Variants in DNAH7 observed in about 807,000 individuals in gnomAD.
DNAH7 encodes the protein dynein axonemal heavy chain 7.
In DNAH7, 397 loss-of-function variants were observed where a neutral mutation model predicts 444.6. The ratio of observed to expected loss-of-function variants is 0.89; its 90% CI spans 0.82 to 0.97. The LOEUF is 0.97. DNAH7 is among the 50% of genes least tolerant of loss of function. The pLI is 0.00. For missense variants in DNAH7, 4,902 were observed against 4,800.8 expected (o/e 1.02, Z -0.62); for synonymous variants, 1,636 against 1,624.4 (o/e 1.01, Z -0.17).
chr2:195,873,425 G>A (rs1008805658), intron 39 of DNAH7, 143 bp downstream of exon 39: 2 of 481,032 alleles, frequency 4.2e-6, no homozygotes, highest in Non-Finnish European at 6.7e-6. Context: ...GAGGTGGCAG[G>A]AACAGAGGCA....
rs1199211196 is a variant in DNAH7, at chr2:195,972,226, T to C, written c.2058+16A>G. The C allele has an allele frequency of 1.9e-6, 3 of 1,581,968 alleles. No homozygotes were observed. The highest frequency in any genetic ancestry group is 2.6e-6 in the Non-Finnish European group (3 of 1,159,240). ...ACATTTCCAGAAAATGAAAATAAAA[T>C]ATCTAAGATGCCAACCTTCAGACCT... On this transcript the variant is annotated intron_variant, in intron 16 of 64. Coordinates refer to ENST00000312428, the MANE Select transcript of DNAH7 (RefSeq NM_018897.3).
In DNAH7 at chr2:195,922,130, G is replaced by A; in HGVS notation, c.3893C>T (p.Ser1298Phe). The A allele has an allele frequency of 6.2e-7, 1 of 1,612,942 alleles. No individual in the cohort carries two copies. Among genetic ancestry groups the A allele is most frequent in the Non-Finnish European group, 8.5e-7 (1 of 1,179,010 alleles). The change falls in exon 24 of 65, where the codon TCC becomes TTC. Residue 1298 changes from serine to phenylalanine, a missense_variant. Coordinates refer to ENST00000312428, the MANE Select transcript of DNAH7 (RefSeq NM_018897.3). ...GAGTGGTGTAATAACCAGCCTAGGG[G>A]AATTACCCAGATATTCATATCCATA... ...LRYGYEYLGN[S>F]PRLVITPLTD...
rs1489757605 is a variant in DNAH7 at position 196,058,118 on chromosome 2, T to C, written c.16-2A>G. The C allele has an allele frequency of 1.3e-6, 2 of 1,577,274 alleles. No individual in the cohort carries two copies. Among genetic ancestry groups the C allele is most frequent in the South Asian group, 2.4e-5 (2 of 84,166 alleles). ...TTTTTCTTTGCTGGCCGATTTATCC[T>C]GTATGAAAAACATGAAAAAACAAAA... On this transcript the variant is annotated splice_acceptor_variant, in intron 1 of 64. Transcript: ENST00000312428. LOFTEE classifies it high-confidence loss of function.
At chr2:195,777,514 G>A (rs990840002) in intron 59 of DNAH7, among the ~76,000 whole-genome samples, 3 of 151,842 alleles carry the variant, frequency 2.0e-5, no homozygotes, top group African/African-American at 7.3e-5. Context: ...ATTTTAATTG[G>A]GGACAATGTC....
Position 195,853,325 on chromosome 2 carries a change from T to C in DNAH7, c.8781+18A>G. On this transcript the variant is annotated intron_variant, in intron 46 of 64. Transcript: ENST00000312428. The stretch of plus-strand genomic sequence containing the variant: ...TGATGGGCAGAGGGTCAGGAAGAGA[T>C]GGAATAGTGTCCCTTACCTGTCTAT... 1 of 1,604,606 alleles carries C rather than the reference T, an allele frequency of 6.2e-7. No homozygotes were observed. Among genetic ancestry groups the C allele is most frequent in the East Asian group, 2.2e-5 (1 of 44,588 alleles).
At chr2:195,970,310 A>G (rs1026677579) in intron 16 of DNAH7, among the ~76,000 whole-genome samples, 1 of 152,202 alleles carries the variant, frequency 6.6e-6, no homozygotes, top group African/African-American at 2.4e-5. Flanking sequence ...GATTAGAAAA[A>G]GTCAACTCTG....
intron 28 of DNAH7, among the ~76,000 whole-genome samples, chr2:195,898,448 C>T (rs1178729352): frequency 6.6e-6 from 1 of 152,174 alleles, no homozygotes; most frequent in Admixed American, 6.5e-5. Context: ...TTTAGCATTT[C>T]ATCGTTATTG....
intron 24 of DNAH7, among the ~76,000 whole-genome samples, chr2:195,920,865 G>A (rs575655895): frequency 9.9e-5 from 15 of 151,902 alleles, no homozygotes; most frequent in Non-Finnish European, 2.2e-4. Context: ...ACTCAAATCT[G>A]CAAGAAAAAA....
intron 41 of DNAH7, among the ~76,000 whole-genome samples, chr2:195,862,172 T>C (rs912705233): frequency 3.9e-5 from 6 of 152,182 alleles, no homozygotes; most frequent in African/African-American, 1.4e-4. Context: ...TGGTTTGTTC[T>C]GAGATTAGAG....
intron 54 of DNAH7, among the ~76,000 whole-genome samples, chr2:195,805,734 C>G (rs1366437427): frequency 1.3e-5 from 2 of 152,026 alleles, no homozygotes; most frequent in African/African-American, 2.4e-5. Context: ...TTTCATAGAC[C>G]CCTGGAAGTA....
At chr2:195,750,682 C>G (rs1290823773) in intron 63 of DNAH7, among the ~76,000 whole-genome samples, 2 of 152,146 alleles carry the variant, frequency 1.3e-5, no homozygotes, top group African/African-American at 4.8e-5. Context: ...TTACTTAACC[C>G]CCCTGAGCCT....
At chr2:195,884,481 G>T (rs1002303881) in intron 35 of DNAH7, 104 bp downstream of exon 35, 1 of 808,424 alleles carries the variant, frequency 1.2e-6, no homozygotes, top group Non-Finnish European at 2.0e-6. Flanking sequence ...GTCTCTTATG[G>T]TAAATAGTGA....
intron 23 of DNAH7, among the ~76,000 whole-genome samples, chr2:195,923,323 T>A (rs1343247243): frequency 6.6e-6 from 1 of 152,244 alleles, no homozygotes; most frequent in Non-Finnish European, 1.5e-5. Context: ...TAATTTTTGA[T>A]AATTACTCAT....
At chr2:195,965,420 A>G (rs893105950) in intron 17 of DNAH7, among the ~76,000 whole-genome samples, 1 of 152,120 alleles carries the variant, frequency 6.6e-6, no homozygotes, top group Non-Finnish European at 1.5e-5. Context: ...ATATTGGCCT[A>G]AAGTTTTCTT....
chr2:195,906,739 T>G lies in DNAH7; in HGVS notation c.4255A>C (p.Lys1419Gln). The change falls in exon 27 of 65, where the codon AAA (lysine) becomes CAA (glutamine). Residue 1419 changes from lysine (K) to glutamine (Q), a missense_variant. By Grantham distance (53) the Lys-to-Gln change is moderately conservative (BLOSUM62 1). Transcript: ENST00000312428. ...AAGACAGCACATGTGGGGTCAAGTT[T>G]TAGTTCAGTTCCTTCAAACATCAGT... ...DILMFEGTEL[K>Q]LDPTCAVFIT... The G allele has an allele frequency of 6.2e-7, 1 of 1,613,550 alleles. No individual in the cohort carries two copies. Among genetic ancestry groups the G allele is most frequent in the Non-Finnish European group, 8.5e-7 (1 of 1,179,624 alleles).
chr2:195,940,636 A>G (rs1574833630), intron 19 of DNAH7, among the ~76,000 whole-genome samples: 1 of 152,222 alleles, frequency 6.6e-6, no homozygotes, highest in South Asian at 2.1e-4. Flanking sequence ...CATCTGACAA[A>G]GGGCTAATAT....
At chr2:195,797,324 C>T (rs960738501) in intron 55 of DNAH7, among the ~76,000 whole-genome samples, 1 of 152,124 alleles carries the variant, frequency 6.6e-6, no homozygotes, top group African/African-American at 2.4e-5. Flanking sequence ...ACTAGACTGC[C>T]CCTTTAGAAG....
At chr2:195,874,928 G>C (rs2125140510) in intron 38 of DNAH7, among the ~76,000 whole-genome samples, 1 of 152,258 alleles carries the variant, frequency 6.6e-6, no homozygotes, top group Admixed American at 6.5e-5. Flanking sequence ...CAGGGTTAGG[G>C]AGCAAATACC....
intron 38 of DNAH7, 56 bp from the exon 39 acceptor site, chr2:195,873,750 T>G: frequency 7.9e-7 from 1 of 1,259,966 alleles, no homozygotes; most frequent in Non-Finnish European, 1.1e-6. Context: ...CAAGAGTATT[T>G]TCTCAAATAT....
Sources: allele counts gnomAD v4.1 joint callset (sites outside exome capture counted in the v4.1 genomes callset), GRCh38; gene constraint gnomAD v4.1.1; transcripts MANE v1.5; gene names NCBI Gene and HGNC (gene_info 2026-07-23, HGNC 2026-07-21).